The following CDH13 variants were observed in gnomAD, a reference collection of about 807,000 sequenced individuals.
The protein encoded by CDH13 is cadherin 13, also known as cadherin-13.
In CDH13, 24 loss-of-function variants were observed where a neutral mutation model predicts 63.8. The observed-to-expected ratio is 0.38, with a 90% CI of 0.27 to 0.53. CDH13 has a LOEUF of 0.53. Ranked by LOEUF, CDH13 falls within the 20% of genes least tolerant of loss-of-function variation. The pLI is 0.85. For missense variants in CDH13, 1,049 were observed against 903.1 expected (o/e 1.16, Z -2.07); for synonymous variants, 503 against 355.3 (o/e 1.42, Z -4.67).
chr16:83,140,958 T>C (rs376179612), intron 4 of CDH13, among the ~76,000 whole-genome samples: 2 of 152,368 alleles, frequency 1.3e-5, no homozygotes, highest in East Asian at 1.9e-4. Context: ...GGTCTATTGA[T>C]GCACAATTGC....
At chr16:83,655,737 C>T (rs1158546840) in intron 8 of CDH13, among the ~76,000 whole-genome samples, 2 of 152,200 alleles carry the variant, frequency 1.3e-5, no homozygotes, top group African/African-American at 4.8e-5. Context: ...CTCCCAAACA[C>T]CCAGAATCGA....
intron 10 of CDH13, among the ~76,000 whole-genome samples, chr16:83,699,099 C>T (rs745748813): frequency 1.3e-5 from 2 of 152,192 alleles, no homozygotes; most frequent in Non-Finnish European, 2.9e-5. Context: ...GTGCCTGCCC[C>T]GTGACAAGCC....
At position 83,489,619 on chromosome 16, in the gene CDH13, C is replaced by T. The variant is rs142444984; in HGVS notation, c.960+2964C>T. ...GCACATCAGATGTCCAGTGGAGTTC[C>T]CCAGAGTTTGCAATGTTTTCCTCCC... On this transcript the variant is annotated intron_variant, in intron 7 of 13. Coordinates refer to ENST00000567109, the MANE Select transcript of CDH13 (RefSeq NM_001257.5). Among the ~76,000 whole-genome samples the T allele has an allele frequency of 4.8e-3, 729 of 152,214 alleles. 2 individuals carry two copies. The highest frequency in any genetic ancestry group is 0.02 in the Middle Eastern group (6 of 294).
At chr16:83,057,704 A>G (rs1227991479) in intron 3 of CDH13, among the ~76,000 whole-genome samples, 2 of 152,164 alleles carry the variant, frequency 1.3e-5, no homozygotes. Context: ...CTTTGACCTG[A>G]GCTGTCTTGA....
intron 5 of CDH13, among the ~76,000 whole-genome samples, chr16:83,226,446 CCCA>C (rs1405581210): frequency 3.3e-5 from 5 of 152,170 alleles, no homozygotes; most frequent in Non-Finnish European, 5.9e-5. Flanking sequence ...GTGGGAGAAC[CCCA>C]CATTCCTTAA....
intron 6 of CDH13, among the ~76,000 whole-genome samples, chr16:83,484,166 C>G (rs1277367365): frequency 2.0e-5 from 3 of 152,176 alleles, no homozygotes; most frequent in African/African-American, 7.2e-5. Context: ...ATGACTGATA[C>G]TCTGATTCCA....
At chr16:83,156,948 G>T (rs1384106510) in intron 4 of CDH13, among the ~76,000 whole-genome samples, 1 of 152,150 alleles carries the variant, frequency 6.6e-6, no homozygotes, top group Non-Finnish European at 1.5e-5. Context: ...CTTCAAAGGA[G>T]CAATTTTCTA....
At chr16:82,819,757 T>A (rs1025036984) in intron 1 of CDH13, among the ~76,000 whole-genome samples, 1 of 152,192 alleles carries the variant, frequency 6.6e-6, no homozygotes, top group Non-Finnish European at 1.5e-5. Context: ...TTCCAGGCAG[T>A]TTTTAGGCAC....
chr16:83,396,451 G>A (rs1440324021), intron 6 of CDH13: 2 of 152,212 alleles, frequency 1.3e-5, no homozygotes, highest in African/African-American at 4.8e-5. Flanking sequence ...GCAGCCAGGA[G>A]TCCCTCTTTC....
At position 83,491,839 on chromosome 16, in the gene CDH13, G is replaced by A. The variant is rs77631886; in HGVS notation, c.960+5184G>A. ...TTGTTTTGTATTTTCAGCTGGTAAC[G>A]CACTTTCTGAAACTTTATAATGCCC... On this transcript the variant is annotated intron_variant, in intron 7 of 13. Coordinates refer to ENST00000567109, the MANE Select transcript of CDH13 (RefSeq NM_001257.5). 4.6e-5 allele frequency among the ~76,000 whole-genome samples: 7 copies of A among 152,070 alleles called. No homozygotes were observed. In the South Asian group the frequency reaches 1.0e-3, roughly 23 times the overall value.
intron 6 of CDH13, among the ~76,000 whole-genome samples, chr16:83,485,937 G>A (rs1044990899): frequency 1.3e-5 from 2 of 152,116 alleles, no homozygotes; most frequent in Non-Finnish European, 2.9e-5. Flanking sequence ...GAGGTCAGGA[G>A]TTCAAGACAA....
At chr16:83,409,230 C>T (rs545505209) in intron 6 of CDH13, among the ~76,000 whole-genome samples, 1 of 150,734 alleles carries the variant, frequency 6.6e-6, no homozygotes, top group Non-Finnish European at 1.5e-5. Flanking sequence ...AACGCATAAG[C>T]TTCAGAGAAA....
At chr16:82,965,380 T>C (rs151094423) in intron 2 of CDH13, among the ~76,000 whole-genome samples, 478 of 152,368 alleles carry the variant, frequency 3.1e-3, no homozygotes, top group African/African-American at 0.01. Flanking sequence ...TTTATTCTCA[T>C]TTAAGTTTTC....
chr16:83,446,115 C>T (rs943728142), intron 6 of CDH13, among the ~76,000 whole-genome samples: 2 of 151,842 alleles, frequency 1.3e-5, no homozygotes, highest in East Asian at 3.9e-4. Context: ...CCAGCATGGC[C>T]AACGTGGTGA....
intron 6 of CDH13, among the ~76,000 whole-genome samples, chr16:83,405,849 C>G (rs1338722888): frequency 6.6e-6 from 1 of 150,620 alleles, no homozygotes; most frequent in East Asian, 2.0e-4. Context: ...CCTCCCGGCT[C>G]TTCTCTCAGC....
At chr16:83,244,928 A>G (rs748919192) in intron 5 of CDH13, among the ~76,000 whole-genome samples, 1 of 152,072 alleles carries the variant, frequency 6.6e-6, no homozygotes, top group Admixed American at 6.6e-5. Context: ...CCAGAAGGAA[A>G]AACGGTGTTC....
chr16:82,852,406 C>T (rs575082816), intron 1 of CDH13, among the ~76,000 whole-genome samples: 75 of 152,190 alleles, frequency 4.9e-4, no homozygotes, highest in Non-Finnish European at 7.9e-4. Context: ...ATTCTGGGCT[C>T]TTTCTATTGG....
intron 7 of CDH13, among the ~76,000 whole-genome samples, chr16:83,550,340 C>A (rs959529528): frequency 1.3e-5 from 2 of 152,230 alleles, no homozygotes; most frequent in African/African-American, 4.8e-5. Context: ...GTTGTCAACA[C>A]GTCTGGCAAA....
intron 8 of CDH13, among the ~76,000 whole-genome samples, chr16:83,605,421 G>A (rs949520024): frequency 7.2e-5 from 11 of 152,192 alleles, no homozygotes; most frequent in African/African-American, 1.9e-4. Context: ...GGGGTAATGT[G>A]ATTGAGAAGT....
Sources: gnomAD v4.1 joint callset for allele counts (sites outside exome capture counted in the v4.1 genomes callset) on GRCh38, gnomAD v4.1.1 for gene constraint, MANE v1.5 for transcripts, NCBI Gene and HGNC (gene_info 2026-07-23, HGNC 2026-07-21) for gene names.